Variants in SPATA22 observed in about 807,000 individuals in gnomAD.
The protein encoded by SPATA22 is spermatogenesis associated 22, also known as spermatogenesis-associated protein 22.
In SPATA22, 29 loss-of-function variants were observed where a neutral mutation model predicts 47.8. The observed-to-expected ratio is 0.61, with a 90% CI of 0.45 to 0.83. The LOEUF (loss-of-function observed/expected upper bound fraction) is 0.83, where lower values mean the gene tolerates loss of function less well. SPATA22 is among the 40% of genes least tolerant of loss of function. SPATA22 has a pLI of 0.00. For missense variants in SPATA22, 410 were observed against 421.7 expected, an observed-to-expected ratio of 0.97 and a Z score of 0.24; for synonymous variants, 133 against 140.9, an observed-to-expected ratio of 0.94 and a Z score of 0.40.
intron 5 of SPATA22, among the ~76,000 whole-genome samples, chr17:3,460,954 T>C (rs916747760): frequency 1.3e-5 from 2 of 152,132 alleles, no homozygotes; most frequent in African/African-American, 4.8e-5. Flanking sequence ...TCCTTACTAA[T>C]CTTACTAATT....
intron 1 of SPATA22, chr17:3,481,664 T>A (rs902590807): frequency 1.2e-6 from 2 of 1,613,826 alleles, no homozygotes; most frequent in African/African-American, 2.7e-5. Context: ...AAATCATTTA[T>A]TTGGTCCAAA....
In SPATA22 at chr17:3,440,278, G is replaced by T; in HGVS notation, c.961C>A (p.Gln321Lys). The T allele has an allele frequency of 6.2e-7, 1 of 1,609,196 alleles. No individual in the cohort carries two copies. The highest frequency in any genetic ancestry group is 8.5e-7 in the Non-Finnish European group (1 of 1,177,140). Reference protein sequence around the residue: ...RVHRCVGNYDQKKNIFQCVSV... With the variant: ...RVHRCVGNYDKKKNIFQCVSV... ...ACACATTGGAAAATGTTCTTTTTCT[G>T]GTCATAGTTGCCAACACATCTATGA... Residue 321 changes from glutamine (Q) to lysine (K), a missense_variant, in exon 9 of 9, where the codon CAG (glutamine) becomes AAG (lysine). Transcript: ENST00000572969.
intron 4 of SPATA22, 50 bp from the exon 5 acceptor site, chr17:3,462,628 G>A: frequency 6.3e-7 from 1 of 1,586,120 alleles, no homozygotes; most frequent in Non-Finnish European, 8.7e-7. Context: ...CTTTCAAATT[G>A]AGAAATTAAG....
chr17:3,473,764 C>T (rs1292953616), upstream of SPATA22, among the ~76,000 whole-genome samples: 1 of 152,100 alleles, frequency 6.6e-6, no homozygotes, highest in Admixed American at 6.5e-5. Context: ...TCCCAAAGTG[C>T]TGGGATTACA....
chr17:3,509,203 CA>C (rs367962582), intron 1 of SPATA22, among the ~76,000 whole-genome samples: 40 of 143,424 alleles, frequency 2.8e-4, no homozygotes, highest in South Asian at 4.4e-4. Context: ...TTATTTCTTC[CA>C]AAAAAAAAAG....
intron 1 of SPATA22, among the ~76,000 whole-genome samples, chr17:3,503,985 G>A (rs1038742782): frequency 3.3e-5 from 5 of 151,284 alleles, no homozygotes; most frequent in East Asian, 2.0e-4. Context: ...CCTCCCCGAC[G>A]CCTCCCTACA....
intron 5 of SPATA22, among the ~76,000 whole-genome samples, chr17:3,454,634 A>C (rs1012394729): frequency 1.3e-5 from 2 of 151,980 alleles, no homozygotes; most frequent in Non-Finnish European, 2.9e-5. Flanking sequence ...TGAACTCATC[A>C]TTTTTTATGG....
intron 1 of SPATA22, among the ~76,000 whole-genome samples, chr17:3,504,627 G>A (rs34299739): frequency 0.9 from 136,087 of 150,502 alleles, 62,365 homozygotes; most frequent in Non-Finnish European, 0.98. Context: ...GCATGATCTC[G>A]GCTCACCGCA....
intron 1 of SPATA22, among the ~76,000 whole-genome samples, chr17:3,509,882 A>G (rs1341420432): frequency 1.1e-4 from 17 of 152,244 alleles, no homozygotes. Context: ...ATGGTATCTC[A>G]CTGTGGTTTT....
chr17:3,440,086 G>T lies in SPATA22; in HGVS notation c.*61C>A. Reference sequence around the variant, plus strand: ...ATAGTAGCTATAAAACTATGGAGATGGTAAATTAAGCAATAACAGAAAACT... The same window carrying T: ...ATAGTAGCTATAAAACTATGGAGATTGTAAATTAAGCAATAACAGAAAACT... On this transcript the variant is annotated 3_prime_UTR_variant, in exon 9 of 9. Coordinates refer to ENST00000572969, the MANE Select transcript of SPATA22 (RefSeq NM_001170698.2). 9.2e-7 allele frequency: 1 copy of T among 1,085,888 alleles called. No individual in the cohort carries two copies. Among genetic ancestry groups the T allele is most frequent in the Non-Finnish European group, 1.3e-6 (1 of 784,166 alleles). The allele number at this position is 1,085,888 out of a possible 1,614,324, so 67.3% of individuals were successfully genotyped here.
chr17:3,491,921 A>C (rs2073833344), intron 1 of SPATA22, among the ~76,000 whole-genome samples: 1 of 119,572 alleles, frequency 8.4e-6, no homozygotes, highest in Non-Finnish European at 1.6e-5. Context: ...TCTGTTGCCT[A>C]GGCTGGAGTG....
chr17:3,457,574 A>T (rs2073026381), intron 5 of SPATA22, among the ~76,000 whole-genome samples: 1 of 152,238 alleles, frequency 6.6e-6, no homozygotes, highest in Non-Finnish European at 1.5e-5. Flanking sequence ...CCTGATTTCA[A>T]GTTATACCTA....
chr17:3,471,836 C>T, upstream of SPATA22: 1 of 985,036 alleles, frequency 1.0e-6, no homozygotes, highest in Middle Eastern at 5.2e-4. Context: ...TTCGCAGGCG[C>T]CGTGGACCGC....
At chr17:3,466,871 C>G (rs1383704296) in intron 3 of SPATA22, among the ~76,000 whole-genome samples, 2 of 152,136 alleles carry the variant, frequency 1.3e-5, no homozygotes, top group African/African-American at 4.8e-5. Context: ...TTAATACTAT[C>G]ACACCAGCAA....
intron 1 of SPATA22, chr17:3,489,149 T>C: frequency 1.2e-6 from 1 of 852,154 alleles, no homozygotes. Flanking sequence ...ACAACATAAT[T>C]CTAAATCTTG....
intron 1 of SPATA22, chr17:3,494,542 G>C: frequency 8.8e-7 from 1 of 1,136,390 alleles, no homozygotes; most frequent in Non-Finnish European, 1.3e-6. Flanking sequence ...ACAGCACTTC[G>C]CGTACATTCG....
chr17:3,509,398 G>A (rs1444511301), intron 1 of SPATA22, among the ~76,000 whole-genome samples: 2 of 152,046 alleles, frequency 1.3e-5, no homozygotes, highest in East Asian at 3.9e-4. Flanking sequence ...TTCCACTTAT[G>A]AGTGAGAACA....
chr17:3,443,055 T>C (rs1446148195), intron 8 of SPATA22, 119 bp downstream of exon 8: 1 of 692,070 alleles, frequency 1.4e-6, no homozygotes, highest in Non-Finnish European at 2.4e-6. Context: ...ATATCAGAAC[T>C]AAAACCAGTG....
At chr17:3,456,964 T>C (rs939195401) in intron 5 of SPATA22, among the ~76,000 whole-genome samples, 3 of 151,250 alleles carry the variant, frequency 2.0e-5, no homozygotes, top group Non-Finnish European at 2.9e-5. Flanking sequence ...ATTATCTCAA[T>C]AGATGCAGAA....
Sources: allele counts gnomAD v4.1 joint callset (sites outside exome capture counted in the v4.1 genomes callset), GRCh38; gene constraint gnomAD v4.1.1; transcripts MANE v1.5; gene names NCBI Gene and HGNC (gene_info 2026-07-23, HGNC 2026-07-21).